The following GNG7 variants were observed in gnomAD, a reference collection of about 807,000 sequenced individuals.
The protein encoded by GNG7 is guanine nucleotide-binding protein G(I)/G(S)/G(O) subunit gamma-7.
Under a neutral mutation model 4.0 loss-of-function variants are expected in GNG7, and 1 was observed. The observed-to-expected ratio is 0.25, with a 90% confidence interval of 0.09 to 1.18. The LOEUF is 1.18. GNG7 is among the 50% of genes most tolerant of loss of function. The pLI is 0.50. For missense variants in GNG7, 86 were observed against 91.9 expected (o/e 0.94, Z 0.26); for synonymous variants, 34 against 36.9 (o/e 0.92, Z 0.29).
chr19:2,656,463 A>G (rs890338795), intron 1 of GNG7, among the ~76,000 whole-genome samples: 5 of 152,090 alleles, frequency 3.3e-5, no homozygotes, highest in Non-Finnish European at 7.4e-5. Context: ...TTAGCCGGGC[A>G]TGGTGGTGCA....
At chr19:2,605,801 C>T (rs774138446) in intron 2 of GNG7, among the ~76,000 whole-genome samples, 18 of 151,992 alleles carry the variant, frequency 1.2e-4, no homozygotes, top group Non-Finnish European at 2.2e-4. Flanking sequence ...TGTGAGCCAC[C>T]GCAGCCTGCC....
At chr19:2,561,714 T>TAAA (rs370642587) in intron 2 of GNG7, among the ~76,000 whole-genome samples, 117 of 136,786 alleles carry the variant, frequency 8.6e-4, no homozygotes, top group African/African-American at 3.1e-3. Context: ...CCGTCTCTAC[T>TAAA]AAAAAAAAAA....
intron 3 of GNG7, among the ~76,000 whole-genome samples, chr19:2,530,140 C>T (rs572517329): frequency 3.9e-5 from 6 of 152,366 alleles, no homozygotes; most frequent in Non-Finnish European, 5.9e-5. Flanking sequence ...GGGCCGGGTG[C>T]GGCGGCTCAC....
intron 1 of GNG7, among the ~76,000 whole-genome samples, chr19:2,668,454 C>T (rs1305568201): frequency 1.3e-5 from 2 of 152,098 alleles, no homozygotes; most frequent in African/African-American, 4.8e-5. Context: ...AGTGGCTGGG[C>T]GGTTGGTCTT....
chr19:2,657,385 TATATATATATATATAC>T (rs1244094308), intron 1 of GNG7, among the ~76,000 whole-genome samples: 2 of 78,786 alleles, frequency 2.5e-5, no homozygotes, highest in Non-Finnish European at 5.3e-5. Flanking sequence ...TATATATATA[TATATATATATATATAC>T]ACATAATAAC....
At position 2,633,126 on chromosome 19, in the gene GNG7, C is replaced by T. The variant is rs184476666; in HGVS notation, c.-78+13098G>A. On this transcript the variant is annotated intron_variant, in intron 2 of 4. Coordinates refer to ENST00000382159, the MANE Select transcript of GNG7 (RefSeq NM_052847.3). The surrounding 1 kb of genome is among the most constrained non-coding windows in gnomAD (Gnocchi z 5.9). Reference sequence around the variant, plus strand: ...TCCGAGGGTGTTAGCCTGGCAGGGGCCCTGCAGGTGGGTGCTGGTTCACTA... The same window carrying T: ...TCCGAGGGTGTTAGCCTGGCAGGGGTCCTGCAGGTGGGTGCTGGTTCACTA... Among the ~76,000 whole-genome samples, 2 of 152,316 alleles carry T rather than the reference C, an allele frequency of 1.3e-5. No homozygotes were observed. Among genetic ancestry groups the T allele is most frequent in the East Asian group, 3.9e-4 (2 of 5,178 alleles).
At chr19:2,606,613 C>G (rs1272392164) in intron 2 of GNG7, among the ~76,000 whole-genome samples, 1 of 151,414 alleles carries the variant, frequency 6.6e-6, no homozygotes, top group Non-Finnish European at 1.5e-5. Context: ...CAAGATTGTG[C>G]CACTGCACTC....
intron 3 of GNG7, among the ~76,000 whole-genome samples, chr19:2,527,444 A>G (rs1978442612): frequency 6.6e-6 from 1 of 152,146 alleles, no homozygotes; most frequent in Non-Finnish European, 1.5e-5. Context: ...CCGCCCTCGA[A>G]CCTGTCCCCA....
intron 1 of GNG7, among the ~76,000 whole-genome samples, chr19:2,673,692 TAAA>T (rs61065013): frequency 2.0e-4 from 25 of 128,198 alleles, no homozygotes; most frequent in Non-Finnish European, 1.9e-4. Flanking sequence ...AGACTCCATC[TAAA>T]AAAAAAAAAA....
intron 3 of GNG7, among the ~76,000 whole-genome samples, chr19:2,532,401 G>A (rs1978624321): frequency 6.6e-6 from 1 of 152,278 alleles, no homozygotes; most frequent in African/African-American, 2.4e-5. Flanking sequence ...TGAACTGGAA[G>A]ACAGAACAGA....
At position 2,529,191 on chromosome 19, in the gene GNG7, A is replaced by G. The variant is rs74254239; in HGVS notation, c.-37-8466T>C. 1.1e-4 allele frequency among the ~76,000 whole-genome samples: 16 copies of G among 152,102 alleles called. No homozygotes were observed. The East Asian group carries it at 2.9e-3, about 28-fold the overall frequency. On this transcript the variant is annotated intron_variant, in intron 3 of 4. Coordinates refer to ENST00000382159, the MANE Select transcript of GNG7 (RefSeq NM_052847.3). ...CAAACTGGGTGTCCTGAAATTACCC[A>G]TTTTTGTGTTGGTGGGTTTTTTTGT...
chr19:2,553,454 A>T (rs1034420920), intron 3 of GNG7, among the ~76,000 whole-genome samples: 2 of 147,572 alleles, frequency 1.4e-5, no homozygotes, highest in Non-Finnish European at 3.0e-5. Flanking sequence ...ATTATATGCA[A>T]TATATTATGT....
In GNG7 at chr19:2,573,267, C is replaced by T. The variant is rs549857070; in HGVS notation, c.-77-18079G>A. On this transcript the variant is annotated intron_variant, in intron 2 of 4. Transcript: ENST00000382159. ...CGAACTCCCAACCTCAGGTGATCCG[C>T]CCGCCTCAGCCTCCCAAAGTGCTGG... 2.8e-3 allele frequency among the ~76,000 whole-genome samples: 431 copies of T among 151,878 alleles called. 3 individuals carry two copies. The highest frequency in any genetic ancestry group is 9.9e-3 in the African/African-American group (409 of 41,468).
At chr19:2,683,303 G>A (rs1270834015) in intron 1 of GNG7, among the ~76,000 whole-genome samples, 2 of 151,628 alleles carry the variant, frequency 1.3e-5, no homozygotes, top group South Asian at 2.1e-4. Context: ...GGGAGGCCAG[G>A]CTGGTCTCGA....
chr19:2,635,493 GTGT>G (rs1351737416), intron 2 of GNG7, among the ~76,000 whole-genome samples: 1 of 152,170 alleles, frequency 6.6e-6, no homozygotes, highest in East Asian at 1.9e-4. Context: ...CTCACTCGGA[GTGT>G]GGATTTCAGT....
intron 3 of GNG7, among the ~76,000 whole-genome samples, chr19:2,533,558 A>G (rs6510681): frequency 0.43 from 65,565 of 151,966 alleles, 14,334 homozygotes; most frequent in South Asian, 0.48. Context: ...CTGCATTTGA[A>G]TTGGACTTTG....
chr19:2,538,435 C>T (rs1390089026), intron 3 of GNG7: 3 of 266,612 alleles, frequency 1.1e-5, no homozygotes, highest in South Asian at 5.6e-5. Context: ...CCAGCCTGGG[C>T]AACATAGTGA....
chr19:2,601,992 G>A (rs973493484), intron 2 of GNG7, among the ~76,000 whole-genome samples: 3 of 152,028 alleles, frequency 2.0e-5, no homozygotes, highest in African/African-American at 7.2e-5. Context: ...TCCAGAATCT[G>A]CAAGCAGCAC....
chr19:2,610,758 G>T (rs1221638108), intron 2 of GNG7: 1 of 152,074 alleles, frequency 6.6e-6, no homozygotes, highest in East Asian at 1.9e-4. Context: ...TGGGATTGCA[G>T]GCACAAGAGA....
Sources: allele counts gnomAD v4.1 joint callset (sites outside exome capture counted in the v4.1 genomes callset), GRCh38; gene constraint gnomAD v4.1.1; non-coding constraint Gnocchi (gnomAD v3.1); transcripts MANE v1.5; gene names NCBI Gene and HGNC (gene_info 2026-07-23, HGNC 2026-07-21).